Variants in RAB27A observed in about 807,000 individuals in gnomAD.
The protein encoded by RAB27A is ras-related protein Rab-27A.
Under a neutral mutation model 20.8 loss-of-function variants are expected in RAB27A, and 17 were observed. The observed-to-expected ratio is 0.82, with a 90% CI of 0.56 to 1.23. The LOEUF (loss-of-function observed/expected upper bound fraction) is 1.23. Ranked by LOEUF, RAB27A falls within the 50% of genes most tolerant of loss-of-function variation. RAB27A has a pLI of 0.00. For synonymous variants in RAB27A, 85 were observed against 92.8 expected (o/e 0.92, Z 0.48); for missense variants, 277 against 266.7 (o/e 1.04, Z -0.27).
intron 1 of RAB27A, chr15:55,318,827 C>T (rs2055092610): frequency 6.2e-6 from 1 of 162,198 alleles, no homozygotes; most frequent in Non-Finnish European, 1.3e-5. Context: ...ACCCTGCCTA[C>T]CTCGTTGAAC....
chr15:55,209,414 A>G (rs1310398811), intron 6 of RAB27A, among the ~76,000 whole-genome samples: 1 of 152,056 alleles, frequency 6.6e-6, no homozygotes, highest in Non-Finnish European at 1.5e-5. Context: ...GTGTTTGGCT[A>G]TTTCACATAA....
Position 55,236,237 on chromosome 15 carries a change from A to G in RAB27A, c.-22-1281T>C, listed in dbSNP as rs541945532. On this transcript the variant is annotated intron_variant, in intron 2 of 6. Coordinates refer to ENST00000336787, the MANE Select transcript of RAB27A (RefSeq NM_183235.3). The stretch of plus-strand genomic sequence containing the variant: ...TTTCTCTCTTTTTACATGGACATCT[A>G]GGCAATTTCATTTATTCTATTCATT... Among the ~76,000 whole-genome samples, 7 of 152,260 alleles carry G rather than the reference A, an allele frequency of 4.6e-5. No individual in the cohort carries two copies. In the East Asian group the frequency reaches 1.4e-3, roughly 29 times the overall value.
At chr15:55,206,360 GTTTT>G (rs1163059803) in intron 6 of RAB27A, 1 of 630,960 alleles carries the variant, frequency 1.6e-6, no homozygotes, top group African/African-American at 2.0e-5. Flanking sequence ...TTTTTGGAGG[GTTTT>G]TTGTTTTGAG....
rs574496500 is a variant in RAB27A at position 55,215,041 on chromosome 15, A to G, written c.467+8848T>C. On this transcript the variant is annotated intron_variant, in intron 6 of 6. Transcript: ENST00000336787. ...CACCTTTCAGAAATACATTACATGA[A>G]AAAGCAGTTGAAAAACTCAGATCTC... 6.6e-5 allele frequency among the ~76,000 whole-genome samples: 10 copies of G among 152,330 alleles called. 1 individual carries two copies. The highest frequency in any genetic ancestry group is 1.9e-4 in the African/African-American group (8 of 41,588).
At chr15:55,303,002 G>A (rs1342583012) in intron 2 of RAB27A, among the ~76,000 whole-genome samples, 24 of 141,288 alleles carry the variant, frequency 1.7e-4, no homozygotes, top group African/African-American at 3.9e-4. Flanking sequence ...TCAACCCCCC[G>A]CCCGGCCAGC....
chr15:55,297,928 C>A (rs1029538944), intron 2 of RAB27A, among the ~76,000 whole-genome samples: 1 of 152,092 alleles, frequency 6.6e-6, no homozygotes, highest in African/African-American at 2.4e-5. Context: ...TGTGGCCAGG[C>A]ACAGTGGCTC....
At chr15:55,280,151 G>C (rs1386223923) in intron 1 of RAB27A, among the ~76,000 whole-genome samples, 1 of 152,104 alleles carries the variant, frequency 6.6e-6, no homozygotes, top group Admixed American at 6.6e-5. Context: ...TGTAAATAGA[G>C]AAAAAAACTA....
At chr15:55,226,111 G>C (rs902805742) in intron 5 of RAB27A, among the ~76,000 whole-genome samples, 5 of 152,312 alleles carry the variant, frequency 3.3e-5, no homozygotes, top group East Asian at 1.9e-4. Flanking sequence ...CTCTACAGAA[G>C]AAAGTTTAGA....
chr15:55,263,834 T>C (rs1160046312), intron 2 of RAB27A, among the ~76,000 whole-genome samples: 1 of 152,184 alleles, frequency 6.6e-6, no homozygotes, highest in Non-Finnish European at 1.5e-5. Flanking sequence ...ATGCATATAT[T>C]TGAGGAACGA....
In RAB27A at chr15:55,215,104, T is replaced by C. The variant is rs184427958; in HGVS notation, c.467+8785A>G. 1.8e-3 allele frequency among the ~76,000 whole-genome samples: 270 copies of C among 152,248 alleles called. 2 individuals are homozygous for C. Among genetic ancestry groups the C allele is most frequent in the Non-Finnish European group, 2.6e-3 (174 of 68,004 alleles). ...AAATTGGAAATTTCTTAAAAAGTAG[T>C]TGAACAGTAAGCTTTTTTAAAATGC... is the stretch of plus-strand genomic sequence containing the variant. On this transcript the variant is annotated intron_variant, in intron 6 of 6. Transcript: ENST00000336787.
chr15:55,213,099 ACCACTTGT>A (rs1895106786), intron 6 of RAB27A, among the ~76,000 whole-genome samples: 1 of 152,206 alleles, frequency 6.6e-6, no homozygotes. Context: ...CTTCATTGCC[ACCACTTGT>A]GAGGAATCTA....
intron 3 of RAB27A, 140 bp downstream of exon 3, chr15:55,234,642 T>C (rs996135020): frequency 1.1e-6 from 1 of 913,744 alleles, no homozygotes; most frequent in South Asian, 1.4e-5. Context: ...GTTGCCTGGA[T>C]TGAACATAAC....
At chr15:55,257,768 G>A (rs376399585) in intron 2 of RAB27A, among the ~76,000 whole-genome samples, 36 of 152,252 alleles carry the variant, frequency 2.4e-4, no homozygotes, top group Middle Eastern at 3.4e-3. Flanking sequence ...CAAAGCTGGC[G>A]GATCACCTGA....
intron 1 of RAB27A, among the ~76,000 whole-genome samples, chr15:55,277,341 C>T (rs1371793097): frequency 2.0e-5 from 3 of 152,078 alleles, no homozygotes; most frequent in Non-Finnish European, 4.4e-5. Context: ...ACAACGTCCA[C>T]GTATAACTTT....
At chr15:55,247,497 A>G (rs1250845142) in intron 2 of RAB27A, among the ~76,000 whole-genome samples, 1 of 152,214 alleles carries the variant, frequency 6.6e-6, no homozygotes, top group Non-Finnish European at 1.5e-5. Context: ...TCATCTTCCT[A>G]GAACATGAAA....
chr15:55,306,869 T>G (rs1187291110), intron 2 of RAB27A, among the ~76,000 whole-genome samples: 2 of 152,008 alleles, frequency 1.3e-5, no homozygotes, highest in African/African-American at 2.4e-5. Flanking sequence ...AAAAATACAA[T>G]AAGGGAGGGC....
intron 1 of RAB27A, among the ~76,000 whole-genome samples, chr15:55,272,543 T>C (rs1468239063): frequency 6.6e-6 from 1 of 152,218 alleles, no homozygotes; most frequent in Admixed American, 6.5e-5. Context: ...ATTATGACAA[T>C]ACCAATTTTC....
chr15:55,279,794 C>G (rs890852973), intron 1 of RAB27A, among the ~76,000 whole-genome samples: 2 of 152,256 alleles, frequency 1.3e-5, no homozygotes, highest in African/African-American at 4.8e-5. Context: ...ATAAATATCA[C>G]CAAGGAAAGC....
Position 55,225,207 on chromosome 15 carries a change from C to CT in RAB27A, c.344-1196dup, listed in dbSNP as rs1238849131. On this transcript the variant is annotated intron_variant, in intron 5 of 6. Coordinates refer to ENST00000336787, the MANE Select transcript of RAB27A (RefSeq NM_183235.3). Reference sequence around the variant, plus strand: ...GAGTGGCTCTGTGCTCTGTTAATGCCTTATAAGGTGTTATAGGTCCATGCC... The same window carrying CT: ...GAGTGGCTCTGTGCTCTGTTAATGCCTTTATAAGGTGTTATAGGTCCATGCC... Among the ~76,000 whole-genome samples, 5 of 152,284 alleles carry CT rather than the reference C, an allele frequency of 3.3e-5. No individual in the cohort carries two copies. The South Asian group carries it at 6.2e-4, about 19-fold the overall frequency.
Sources: gnomAD v4.1 joint callset for allele counts (sites outside exome capture counted in the v4.1 genomes callset) on GRCh38, gnomAD v4.1.1 for gene constraint, MANE v1.5 for transcripts, NCBI Gene and HGNC (gene_info 2026-07-23, HGNC 2026-07-21) for gene names.